UNC13C: variants seen among roughly 807,000 people sequenced by gnomAD.
UNC13C encodes unc-13 homolog C.
In UNC13C, 174 loss-of-function variants were observed where a neutral mutation model predicts 245.4. The observed-to-expected ratio is 0.71, with a 90% CI of 0.63 to 0.80. The LOEUF is 0.80. Ranked by LOEUF, UNC13C falls within the 30% of genes least tolerant of loss-of-function variation. The pLI is 0.00. For missense variants in UNC13C, 2,829 were observed against 2,602.9 expected (o/e 1.09, Z -1.89); for synonymous variants, 992 against 895.1 (o/e 1.11, Z -1.93).
intron 19 of UNC13C, among the ~76,000 whole-genome samples, chr15:54,454,716 G>C (rs1891378896): frequency 6.6e-6 from 1 of 151,958 alleles, no homozygotes; most frequent in Non-Finnish European, 1.5e-5. Context: ...TTTTGTGTCT[G>C]GCTTCTTTCA....
At position 54,570,414 on chromosome 15, in the gene UNC13C, C is replaced by T. The variant is rs139841640; in HGVS notation, c.6106+2467C>T. On this transcript the variant is annotated intron_variant, in intron 30 of 32. Transcript: ENST00000260323. ...AGACTTCTCCACTACTACCCACTTT[C>T]TCCACCCTGCCATTTCTCTAAAATT... 1.3e-3 allele frequency among the ~76,000 whole-genome samples: 193 copies of T among 152,264 alleles called. 1 individual carries two copies. The highest frequency in any genetic ancestry group is 4.4e-3 in the African/African-American group (183 of 41,560).
chr15:54,310,103 T>G (rs74815254), intron 13 of UNC13C, among the ~76,000 whole-genome samples: 4 of 151,778 alleles, frequency 2.6e-5, no homozygotes, highest in Admixed American at 6.6e-5. Flanking sequence ...CTTTTTTTTT[T>G]GAAGATGTAC....
At chr15:54,428,363 A>G (rs1252654781) in intron 19 of UNC13C, among the ~76,000 whole-genome samples, 2 of 151,492 alleles carry the variant, frequency 1.3e-5, no homozygotes, top group African/African-American at 4.8e-5. Context: ...CTTTGGGACA[A>G]TCGCTCTGAA....
chr15:54,298,955 G>A (rs571456436), intron 12 of UNC13C, among the ~76,000 whole-genome samples: 1 of 152,210 alleles, frequency 6.6e-6, no homozygotes, highest in East Asian at 1.9e-4. Flanking sequence ...TACTAAGAAA[G>A]AAATGAGGAA....
chr15:54,030,110 A>T (rs1160945498), intron 2 of UNC13C, among the ~76,000 whole-genome samples: 2 of 152,066 alleles, frequency 1.3e-5, no homozygotes, highest in Admixed American at 6.5e-5. Flanking sequence ...ATCCTTATAT[A>T]GGCTTTTTCT....
intron 2 of UNC13C, among the ~76,000 whole-genome samples, chr15:54,021,798 T>G (rs1895913620): frequency 6.6e-6 from 1 of 152,218 alleles, no homozygotes; most frequent in Non-Finnish European, 1.5e-5. Context: ...ATACTGTATT[T>G]TTACTGTACC....
At chr15:54,170,711 T>C (rs979367694) in intron 4 of UNC13C, among the ~76,000 whole-genome samples, 3 of 152,186 alleles carry the variant, frequency 2.0e-5, no homozygotes, top group African/African-American at 7.2e-5. Flanking sequence ...GAAGGTACGA[T>C]ACTCTGCTAG....
At chr15:53,843,106 A>G in the UNC13C span, among the ~76,000 whole-genome samples, 2 of 152,080 alleles carry the variant, frequency 1.3e-5, no homozygotes, top group Non-Finnish European at 2.9e-5. Context: ...TCCCATATTA[A>G]TATTTCTATT....
chr15:54,273,733 A>C (rs2036754196), intron 10 of UNC13C, among the ~76,000 whole-genome samples: 1 of 152,174 alleles, frequency 6.6e-6, no homozygotes, highest in African/African-American at 2.4e-5. Context: ...CAACTGATCT[A>C]GCAGCATTTT....
Position 54,627,497 on chromosome 15 carries a change from T to G in UNC13C, c.*384T>G, listed in dbSNP as rs890008270. ...AAACATTTATTACTCAATTTCCATT[T>G]TATTTACTTACCTCATTATAGATGT... On this transcript the variant is annotated 3_prime_UTR_variant, in exon 33 of 33. Coordinates refer to ENST00000260323, the MANE Select transcript of UNC13C (RefSeq NM_001080534.3). 6.2e-6 allele frequency: 1 copy of G among 160,970 alleles called. No homozygotes were observed. Among genetic ancestry groups the G allele is most frequent in the African/African-American group, 2.4e-5 (1 of 41,604 alleles). The allele number at this position is 160,970 out of a possible 1,614,324, so 10.0% of individuals were successfully genotyped here.
intron 1 of UNC13C, among the ~76,000 whole-genome samples, chr15:53,997,157 T>C (rs561583190): frequency 9.8e-5 from 15 of 152,336 alleles, no homozygotes; most frequent in African/African-American, 2.9e-4. Flanking sequence ...GTATTTTCTT[T>C]ATAATTAATG....
the UNC13C span, among the ~76,000 whole-genome samples, chr15:53,877,815 T>C: frequency 6.6e-6 from 1 of 152,188 alleles, no homozygotes; most frequent in Admixed American, 6.5e-5. Flanking sequence ...AGTTCCTTCA[T>C]GCCCCTTTGT....
At chr15:54,337,792 G>A (rs1255976601) in intron 16 of UNC13C, among the ~76,000 whole-genome samples, 2 of 152,142 alleles carry the variant, frequency 1.3e-5, no homozygotes, top group South Asian at 2.1e-4. Context: ...AAACTATCCA[G>A]TTCCTTCCCA....
chr15:54,297,297 A>G (rs1456303116), intron 11 of UNC13C, among the ~76,000 whole-genome samples: 1 of 152,210 alleles, frequency 6.6e-6, no homozygotes, highest in Non-Finnish European at 1.5e-5. Flanking sequence ...CTTGATAATT[A>G]CAATACCACA....
At chr15:54,329,422 A>T (rs916919595) in intron 14 of UNC13C, among the ~76,000 whole-genome samples, 3 of 151,836 alleles carry the variant, frequency 2.0e-5, no homozygotes, top group Non-Finnish European at 4.4e-5. Context: ...ATTTATTATT[A>T]TTTTTATTAT....
the UNC13C span, among the ~76,000 whole-genome samples, chr15:53,919,557 T>C: frequency 1.3e-5 from 2 of 152,198 alleles, no homozygotes; most frequent in Non-Finnish European, 2.9e-5. Flanking sequence ...CCAGCACGTG[T>C]CCATCTCCAT....
intron 19 of UNC13C, among the ~76,000 whole-genome samples, chr15:54,423,173 T>C (rs2040687718): frequency 6.6e-6 from 1 of 151,752 alleles, no homozygotes. Context: ...TAAATTCTGG[T>C]CATAACCCTC....
chr15:54,267,374 G>A (rs2036573618), intron 10 of UNC13C, among the ~76,000 whole-genome samples: 1 of 152,034 alleles, frequency 6.6e-6, no homozygotes, highest in Non-Finnish European at 1.5e-5. Flanking sequence ...AGAGGTAAGA[G>A]CAGACATCTT....
intron 24 of UNC13C, among the ~76,000 whole-genome samples, chr15:54,516,150 C>T (rs1894965219): frequency 6.6e-6 from 1 of 152,152 alleles, no homozygotes; most frequent in Admixed American, 6.5e-5. Context: ...CTATTAGCCA[C>T]ATGGACTAAG....
Sources: allele counts gnomAD v4.1 joint callset (sites outside exome capture counted in the v4.1 genomes callset), GRCh38; gene constraint gnomAD v4.1.1; transcripts MANE v1.5; gene names NCBI Gene and HGNC (gene_info 2026-07-23, HGNC 2026-07-21).